MAP4: variants seen among roughly 807,000 people sequenced by gnomAD.
MAP4 encodes microtubule associated protein 4, also known as microtubule-associated protein 4.
A neutral mutation model predicts 170.2 loss-of-function variants in MAP4; 76 were observed. The ratio of observed to expected loss-of-function variants is 0.45; its 90% confidence interval spans 0.37 to 0.54. The LOEUF (loss-of-function observed/expected upper bound fraction) is 0.54. MAP4 is among the 20% of genes least tolerant of loss of function. The pLI, the probability that MAP4 is intolerant of heterozygous loss-of-function variation, is 0.00. For synonymous variants in MAP4, 909 were observed against 994.5 expected (o/e 0.91, Z 1.62); for missense variants, 2,506 against 2,748.0 (o/e 0.91, Z 1.97).
chr3:47,998,494 C>A, intron 2 of MAP4, 144 bp downstream of exon 2: 1 of 662,748 alleles, frequency 1.5e-6, no homozygotes, highest in Non-Finnish European at 2.6e-6. Context: ...AAGTCTACCT[C>A]CTCGGTATCT....
intron 10 of MAP4, among the ~76,000 whole-genome samples, chr3:47,880,050 T>A (rs912386274): frequency 2.0e-5 from 3 of 152,214 alleles, no homozygotes; most frequent in Admixed American, 6.5e-5. Context: ...GGCTATTTGA[T>A]TCTGTTAAAC....
chr3:47,914,310 C>T (rs2100037439), intron 8 of MAP4, among the ~76,000 whole-genome samples: 1 of 152,070 alleles, frequency 6.6e-6, no homozygotes, highest in African/African-American at 2.4e-5. Flanking sequence ...GTAATCCCAA[C>T]ACTTTGGGAG....
intron 17 of MAP4, among the ~76,000 whole-genome samples, chr3:47,866,821 A>G (rs1179014137): frequency 6.6e-6 from 1 of 152,206 alleles, no homozygotes; most frequent in Non-Finnish European, 1.5e-5. Context: ...ACAAGGATTC[A>G]AAGATGAGCT....
intron 1 of MAP4, among the ~76,000 whole-genome samples, chr3:48,061,473 T>TG (rs1440745851): frequency 6.6e-6 from 1 of 152,040 alleles, no homozygotes; most frequent in Admixed American, 6.6e-5. Context: ...GGATTGCAGA[T>TG]GGAGTCTCGT....
intron 1 of MAP4, among the ~76,000 whole-genome samples, chr3:48,071,653 A>G (rs1277889496): frequency 6.6e-6 from 1 of 152,206 alleles, no homozygotes; most frequent in Non-Finnish European, 1.5e-5. Context: ...AGCCGGGTGC[A>G]GTCGCTCACA....
chr3:47,866,197 C>T (rs2079441874), intron 17 of MAP4, among the ~76,000 whole-genome samples: 2 of 151,630 alleles, frequency 1.3e-5, no homozygotes, highest in South Asian at 2.1e-4. Flanking sequence ...ATTAGCTGGG[C>T]GTGGTGGCGC....
In MAP4 at chr3:47,911,123, G is replaced by T; in HGVS notation, c.3298C>A (p.Pro1100Thr). 6.5e-7 allele frequency: 1 copy of T among 1,536,096 alleles called. No individual in the cohort carries two copies. Among genetic ancestry groups the T allele is most frequent in the South Asian group, 1.2e-5 (1 of 84,060 alleles). ...SQKDGRAVLI[P>T]SEPVSKTEGM... ...TCAGTTTTAGAGACTGGCTCACTCG[G>T]TATGAGAACAGCCCTTCCGTCCTTC... is the stretch of plus-strand genomic sequence containing the variant. The change falls in exon 9 of 21, where the codon CCG becomes ACG. Residue 1100 changes from proline (P) to threonine (T), a missense_variant. Pro to Thr is a conservative substitution (Grantham distance 38). Around this residue, in one of 3 missense-constraint regions of MAP4, gnomAD observed 2,008 missense variants for 2,206.0 expected, o/e 0.91. Coordinates refer to ENST00000683076, the MANE Select transcript of MAP4 (RefSeq NM_001385682.1). The surrounding 1 kb of genome is among the most constrained non-coding windows in gnomAD (Gnocchi z 4.0).
intron 3 of MAP4, among the ~76,000 whole-genome samples, chr3:47,975,937 G>A (rs550175548): frequency 1.3e-5 from 2 of 152,068 alleles, no homozygotes; most frequent in South Asian, 2.1e-4. Context: ...CTACAGGCAC[G>A]TGCCACCACG....
chr3:47,891,006 C>A, intron 10 of MAP4: 1 of 1,454,520 alleles, frequency 6.9e-7, no homozygotes, highest in South Asian at 1.4e-5. Flanking sequence ...CCAATGGAGG[C>A]AAAATTTAGA....
rs545009666 is a variant in MAP4 at position 47,912,358 on chromosome 3, C to T, written c.2063G>A (p.Arg688His). ...GGCAGGCTTGGGCCGGGTTGACCTG[C>T]GGTCACTGGGTCTGCAAACTTGTTT... ...QAKQVCRPSD[R>H]RSTRPKPARV... The change falls in exon 9 of 21, where the codon CGC becomes CAC. Residue 688 changes from arginine (R) to histidine (H), a missense_variant. This residue lies in a region of MAP4 where 2,008 missense variants were observed against 2,206.0 expected (regional missense o/e 0.91). Transcript: ENST00000683076. 4.9e-5 allele frequency: 75 copies of T among 1,535,174 alleles called. No homozygotes were observed. Among genetic ancestry groups the T allele is most frequent in the Middle Eastern group, 3.3e-4 (2 of 5,982 alleles).
intron 1 of MAP4, among the ~76,000 whole-genome samples, chr3:48,086,614 C>T (rs183206491): frequency 2.6e-5 from 4 of 152,120 alleles, no homozygotes; most frequent in African/African-American, 4.8e-5. Flanking sequence ...CCAGCCTGGG[C>T]GACAGAGCAA....
chr3:48,087,734 C>A (rs1484796717), intron 1 of MAP4, among the ~76,000 whole-genome samples: 1 of 100,250 alleles, frequency 1.0e-5, no homozygotes, highest in Non-Finnish European at 1.9e-5. Context: ...CACGCGCACA[C>A]ACACGCACGC....
intron 3 of MAP4, among the ~76,000 whole-genome samples, chr3:47,945,738 G>T (rs2100059404): frequency 6.6e-6 from 1 of 150,424 alleles, no homozygotes; most frequent in Non-Finnish European, 1.5e-5. Context: ...TATTTTTTTG[G>T]AGGCAGGGTC....
intron 1 of MAP4, among the ~76,000 whole-genome samples, chr3:48,084,789 T>C (rs1432991424): frequency 3.7e-5 from 5 of 134,298 alleles, no homozygotes; most frequent in Non-Finnish European, 7.8e-5. Context: ...TAAAATTATC[T>C]GGGGACCGAC....
chr3:47,891,387 A>G (rs1033497008), intron 10 of MAP4: 2 of 1,535,848 alleles, frequency 1.3e-6, no homozygotes, highest in African/African-American at 2.7e-5. Flanking sequence ...CCAGGGCTCA[A>G]TTTGTAGCTA....
intron 2 of MAP4, among the ~76,000 whole-genome samples, chr3:47,991,151 CT>C (rs1482686510): frequency 1.3e-5 from 2 of 152,194 alleles, no homozygotes; most frequent in African/African-American, 4.8e-5. Context: ...AGCAATTTTC[CT>C]ACTTTGTCAT....
chr3:47,906,683 C>CAAAAAAAAA (rs879554419), intron 9 of MAP4, among the ~76,000 whole-genome samples: 1 of 85,644 alleles, frequency 1.2e-5, no homozygotes, highest in Non-Finnish European at 2.4e-5. Context: ...AACTCTGTCT[C>CAAAAAAAAA]AAAAAAAAAA....
chr3:47,945,821 G>C (rs1198341157), intron 3 of MAP4, among the ~76,000 whole-genome samples: 1 of 151,890 alleles, frequency 6.6e-6, no homozygotes, highest in African/African-American at 2.4e-5. Flanking sequence ...CTGGGCTCAA[G>C]TGACCTCAGT....
At chr3:48,056,201 CGGGA>C (rs2100131357) in intron 1 of MAP4, among the ~76,000 whole-genome samples, 1 of 119,224 alleles carries the variant, frequency 8.4e-6, no homozygotes, top group African/African-American at 2.9e-5. Flanking sequence ...CCATGCCGTC[CGGGA>C]GGGAGGTGGG....
Sources: allele counts gnomAD v4.1 joint callset (sites outside exome capture counted in the v4.1 genomes callset), GRCh38; gene constraint gnomAD v4.1.1; regional missense constraint gnomAD v4.1.1; non-coding constraint Gnocchi (gnomAD v3.1); transcripts MANE v1.5; gene names NCBI Gene and HGNC (gene_info 2026-07-23, HGNC 2026-07-21).